Variants in MCMBP observed in about 807,000 individuals in gnomAD.
MCMBP encodes the protein minichromosome maintenance complex binding protein.
A neutral mutation model predicts 81.3 loss-of-function variants in MCMBP; 31 were observed. That is an observed-to-expected ratio of 0.38 (90% confidence interval 0.29 to 0.51). The LOEUF is 0.51. Ranked by LOEUF, MCMBP falls within the 20% of genes least tolerant of loss-of-function variation. The probability of loss-of-function intolerance (pLI) is 0.87; values close to 1 mark genes in which losing one functional copy is unlikely to be tolerated. For synonymous variants in MCMBP, 267 were observed against 275.9 expected (o/e 0.97, Z 0.32); for missense variants, 645 against 772.1 (o/e 0.84, Z 1.95).
intron 1 of MCMBP, among the ~76,000 whole-genome samples, chr10:119,869,292 G>T (rs1409463720): frequency 2.0e-5 from 3 of 152,088 alleles, no homozygotes; most frequent in Non-Finnish European, 4.4e-5. Flanking sequence ...AAAAATTAGC[G>T]GCTCGGTGTG....
chr10:119,831,717 T>A, intron 15 of MCMBP, 117 bp from the exon 16 acceptor site: 1 of 1,195,862 alleles, frequency 8.4e-7, no homozygotes, highest in Non-Finnish European at 1.1e-6. Context: ...GACAAGACCG[T>A]ATGGTAGTTA....
chr10:119,837,836 T>G (rs887944060), intron 12 of MCMBP, among the ~76,000 whole-genome samples: 3 of 152,076 alleles, frequency 2.0e-5, no homozygotes, highest in African/African-American at 7.2e-5. Context: ...TTTGAGGTAT[T>G]AGATGACTAA....
chr10:119,841,397 C>T (rs1852427303), intron 10 of MCMBP, among the ~76,000 whole-genome samples: 1 of 152,196 alleles, frequency 6.6e-6, no homozygotes, highest in Admixed American at 6.5e-5. Flanking sequence ...ATAAGATTTA[C>T]AGCACAAAGA....
rs549261010 is a variant in MCMBP, at chr10:119,849,929, C to T, written c.575-353G>A. Among the ~76,000 whole-genome samples the T allele has an allele frequency of 9.2e-5, 14 of 152,290 alleles. No homozygotes were observed. The East Asian group carries it at 2.3e-3, about 25-fold the overall frequency. Reference sequence around the variant, plus strand: ...AATACATGGTCTACCGACAGCAAAACTCCTTGGTAGAACATACTTTTTCTA... The same window carrying T: ...AATACATGGTCTACCGACAGCAAAATTCCTTGGTAGAACATACTTTTTCTA... On this transcript the variant is annotated intron_variant, in intron 6 of 15. Transcript: ENST00000369077.
At chr10:119,859,915 T>G (rs758151084) in intron 1 of MCMBP, 31 bp from the exon 2 acceptor site, 2 of 1,492,196 alleles carry the variant, frequency 1.3e-6, no homozygotes, top group African/African-American at 1.4e-5. Flanking sequence ...TCAAAGCTAA[T>G]GTACATGCAA....
In MCMBP at chr10:119,838,557, T is replaced by C; in HGVS notation, c.1386A>G (p.Glu462=). ...TSLVIDETLL[E]QGQLDTPGVH... Reference sequence around the variant, plus strand: ...TACCTGGGGTATCCAGCTGCCCCTGTTCCAGGAGAGTCTCATCGATTACAA... The same window carrying C: ...TACCTGGGGTATCCAGCTGCCCCTGCTCCAGGAGAGTCTCATCGATTACAA... The change falls in exon 12 of 16, where the codon GAA becomes GAG. Residue 462 remains glutamate, a synonymous_variant. Coordinates refer to ENST00000369077, the MANE Select transcript of MCMBP (RefSeq NM_001256378.2). 6.2e-7 allele frequency: 1 copy of C among 1,614,080 alleles called. No homozygotes were observed. Among genetic ancestry groups the C allele is most frequent in the Non-Finnish European group, 8.5e-7 (1 of 1,179,972 alleles).
chr10:119,836,889 A>G lies in MCMBP; in HGVS notation c.1542+7T>C. On this transcript the variant is annotated splice_region_variant and intron_variant, in intron 13 of 15. Transcript: ENST00000369077. ...ACCTCCCTCCATTTAAAAATGACTC[A>G]TCATACCGGGAGGAGTGACCTCCCC... 1 of 1,601,768 alleles carries G rather than the reference A, an allele frequency of 6.2e-7. No homozygotes were observed. Among genetic ancestry groups the G allele is most frequent in the Non-Finnish European group, 8.5e-7 (1 of 1,173,874 alleles).
At chr10:119,872,853 T>C (rs1167381085), upstream of MCMBP, 2 of 157,026 alleles carry the variant, frequency 1.3e-5, no homozygotes, top group South Asian at 2.1e-4. Context: ...TGGCGGGAAA[T>C]AGCCGCCGCC....
Position 119,859,157 on chromosome 10 carries a change from G to C in MCMBP, c.169C>G (p.Leu57Val). 6.2e-7 allele frequency: 1 copy of C among 1,613,200 alleles called. No homozygotes were observed. The highest frequency in any genetic ancestry group is 8.5e-7 in the Non-Finnish European group (1 of 1,179,640). The part of the protein sequence containing the change: ...KWVPSLNEVP[L>V]HYLKPNSFVK... ...AAACTATTAGGTTTCAAATAATGAAGGGGAACTTCGTTCAGTGATGGTACC... is the reference window on the plus strand; with the variant it reads ...AAACTATTAGGTTTCAAATAATGAACGGGAACTTCGTTCAGTGATGGTACC... Residue 57 changes from leucine to valine, a missense_variant, in exon 3 of 16, where the codon CTT becomes GTT. Leu to Val is a conservative substitution (Grantham distance 32). Transcript: ENST00000369077.
chr10:119,846,604 T>C (rs1216878493), intron 8 of MCMBP, among the ~76,000 whole-genome samples: 1 of 152,118 alleles, frequency 6.6e-6, no homozygotes, highest in Non-Finnish European at 1.5e-5. Flanking sequence ...CTAATGAAAA[T>C]TAACCTCACC....
chr10:119,873,299 A>G (rs1171166041), upstream of MCMBP: 1 of 152,076 alleles, frequency 6.6e-6, no homozygotes, highest in East Asian at 1.9e-4. Context: ...CGAAACCCTG[A>G]GTGGTGACTT....
intron 7 of MCMBP, 138 bp downstream of exon 7, chr10:119,849,287 G>C: frequency 2.5e-6 from 2 of 815,028 alleles, no homozygotes; most frequent in Non-Finnish European, 3.7e-6. Flanking sequence ...ATAAACTTTT[G>C]CTGCTTTAGG....
chr10:119,847,503 C>T (rs3740567), intron 8 of MCMBP, 110 bp downstream of exon 8: 40,553 of 559,382 alleles, frequency 0.072, 2,549 homozygotes, highest in South Asian at 0.25. Context: ...ACAACTGGTA[C>T]ATCTGGGAGA....
At chr10:119,848,610 C>A (rs1852702560) in intron 7 of MCMBP, among the ~76,000 whole-genome samples, 1 of 151,610 alleles carries the variant, frequency 6.6e-6, no homozygotes. Context: ...GAGACTGCCT[C>A]AAAAAAACAA....
chr10:119,865,134 A>G (rs1198272199), intron 1 of MCMBP, among the ~76,000 whole-genome samples: 1 of 142,038 alleles, frequency 7.0e-6, no homozygotes, highest in African/African-American at 2.4e-5. Flanking sequence ...ATATCTAACT[A>G]CAATTGCAGA....
intron 8 of MCMBP, 51 bp downstream of exon 8, chr10:119,847,562 T>C (rs1283879119): frequency 4.4e-6 from 5 of 1,141,932 alleles, no homozygotes; most frequent in East Asian, 2.5e-5. Flanking sequence ...TCCTGAAAAC[T>C]TGAAATTATA....
chr10:119,863,029 C>G (rs1359196022), intron 1 of MCMBP, among the ~76,000 whole-genome samples: 2 of 152,042 alleles, frequency 1.3e-5, no homozygotes, highest in Non-Finnish European at 2.9e-5. Flanking sequence ...GCTGTGTTTT[C>G]TTATATATTC....
At chr10:119,835,152 AG>A (rs1852194747) in intron 14 of MCMBP, among the ~76,000 whole-genome samples, 1 of 152,254 alleles carries the variant, frequency 6.6e-6, no homozygotes, top group African/African-American at 2.4e-5. Flanking sequence ...CAGGAGCACA[AG>A]GGAGAGGAGA....
At chr10:119,844,222 G>C (rs1413012773) in intron 8 of MCMBP, among the ~76,000 whole-genome samples, 1 of 152,094 alleles carries the variant, frequency 6.6e-6, no homozygotes, top group Non-Finnish European at 1.5e-5. Flanking sequence ...AGACTGAGTA[G>C]ACAAGCAATG....
Sources: gnomAD v4.1 joint callset for allele counts (sites outside exome capture counted in the v4.1 genomes callset) on GRCh38, gnomAD v4.1.1 for gene constraint, MANE v1.5 for transcripts, NCBI Gene and HGNC (gene_info 2026-07-23, HGNC 2026-07-21) for gene names.